GYG1: variants seen among roughly 807,000 people sequenced by gnomAD.
GYG1 encodes glycogenin 1.
In GYG1, 44 loss-of-function variants were observed where a neutral mutation model predicts 41.9. That is an observed-to-expected ratio of 1.05 (90% CI 0.83 to 1.35). The LOEUF (loss-of-function observed/expected upper bound fraction) is 1.35. GYG1 is among the 40% of genes most tolerant of loss of function. The pLI is 0.00. For synonymous variants in GYG1, 141 were observed against 158.1 expected (o/e 0.89, Z 0.81); for missense variants, 429 against 418.9 (o/e 1.02, Z -0.21).
intron 2 of GYG1, 42 bp downstream of exon 2, chr3:148,994,319 C>A: frequency 6.2e-7 from 1 of 1,603,060 alleles, no homozygotes; most frequent in Non-Finnish European, 8.5e-7. Context: ...GGGGCTCTGA[C>A]ATCCTTCTCC....
At chr3:149,003,281 A>T (rs2107895174) in intron 4 of GYG1, among the ~76,000 whole-genome samples, 1 of 151,776 alleles carries the variant, frequency 6.6e-6, no homozygotes, top group South Asian at 2.1e-4. Flanking sequence ...ATGCGCAGCT[A>T]ATTTTTGTGT....
intron 5 of GYG1, among the ~76,000 whole-genome samples, chr3:149,012,351 C>T (rs1242333667): frequency 6.6e-6 from 1 of 152,086 alleles, no homozygotes; most frequent in Non-Finnish European, 1.5e-5. Context: ...TGGGTGGTGG[C>T]AGGTGGAATT....
At chr3:149,021,278 G>C (rs1262975342) in intron 5 of GYG1, among the ~76,000 whole-genome samples, 1 of 152,156 alleles carries the variant, frequency 6.6e-6, no homozygotes, top group Non-Finnish European at 1.5e-5. Context: ...CATAATAGTT[G>C]TTATTTAATC....
In GYG1 at chr3:149,030,696, T is replaced by G. The variant is rs1311790927; in HGVS notation, c.*3763T>G. 6.6e-6 allele frequency: 1 copy of G among 152,224 alleles called. No homozygotes were observed. The highest frequency in any genetic ancestry group is 1.9e-4 in the East Asian group (1 of 5,202). The allele number at this position is 152,224 out of a possible 1,614,324, so 9.4% of individuals were successfully genotyped here. On this transcript the variant is annotated 3_prime_UTR_variant, in exon 8 of 8. Coordinates refer to ENST00000345003, the MANE Select transcript of GYG1 (RefSeq NM_004130.4). ...TAATGCTAGCGGGCTAATCCCACAT[T>G]ATTATTCCACTATCATCCCTGCAGA...
intron 2 of GYG1, among the ~76,000 whole-genome samples, chr3:148,994,722 C>T (rs760612788): frequency 6.6e-6 from 1 of 152,190 alleles, no homozygotes; most frequent in Non-Finnish European, 1.5e-5. Context: ...TTATTTTATC[C>T]ATTGCCAGTT....
intron 4 of GYG1, chr3:149,001,007 A>G (rs1230613235): frequency 6.6e-6 from 1 of 152,216 alleles, no homozygotes; most frequent in African/African-American, 2.4e-5. Flanking sequence ...GCTACATTGT[A>G]TTAAAGTGTA....
intron 1 of GYG1, among the ~76,000 whole-genome samples, chr3:148,993,432 TTAGA>T (rs1712602840): frequency 3.9e-5 from 6 of 152,044 alleles, no homozygotes. Flanking sequence ...TGATAACTAT[TTAGA>T]TAGAAGCATC....
intron 5 of GYG1, among the ~76,000 whole-genome samples, chr3:149,017,166 T>A (rs1168654027): frequency 6.6e-6 from 1 of 152,218 alleles, no homozygotes. Context: ...TTCTATCTGA[T>A]CTTTTGGTAA....
At chr3:149,002,117 C>T (rs781453398) in intron 4 of GYG1, among the ~76,000 whole-genome samples, 3 of 152,194 alleles carry the variant, frequency 2.0e-5, no homozygotes, top group Non-Finnish European at 2.9e-5. Context: ...GGGTTCCTCT[C>T]ACCTATATTT....
intron 4 of GYG1, among the ~76,000 whole-genome samples, chr3:149,005,964 G>C (rs1713379143): frequency 1.3e-5 from 2 of 151,772 alleles, no homozygotes; most frequent in Non-Finnish European, 2.9e-5. Flanking sequence ...GTGTGTATGT[G>C]TATATGTATA....
chr3:148,993,289 T>A (rs1712590981), intron 1 of GYG1, among the ~76,000 whole-genome samples: 1 of 112,798 alleles, frequency 8.9e-6, no homozygotes, highest in African/African-American at 3.4e-5. Flanking sequence ...TTATTGGAGA[T>A]TGGGGTGCGT....
Position 149,009,372 on chromosome 3 carries a change from C to T in GYG1, c.578C>T (p.Ser193Phe). The change falls in exon 5 of 8, where the codon TCT (serine) becomes TTT (phenylalanine). Residue 193 changes from serine to phenylalanine, a missense_variant. Ser to Phe is a radical substitution (Grantham distance 155, BLOSUM62 -2). Coordinates refer to ENST00000345003, the MANE Select transcript of GYG1 (RefSeq NM_004130.4). ...LPFIYNLSSI[S>F]IYSYLPAFKV... Reference sequence around the variant, plus strand: ...TTTATTTATAACCTAAGCAGCATCTCTATATACTCCTACCTCCCGGCATTT... The same window carrying T: ...TTTATTTATAACCTAAGCAGCATCTTTATATACTCCTACCTCCCGGCATTT... 1 of 1,613,136 alleles carries T rather than the reference C, an allele frequency of 6.2e-7. No individual in the cohort carries two copies. The highest frequency in any genetic ancestry group is 1.3e-5 in the African/African-American group (1 of 75,030).
At chr3:149,009,070 A>G (rs1713569177) in intron 4 of GYG1, 1 of 506,078 alleles carries the variant, frequency 2.0e-6, no homozygotes, top group African/African-American at 1.9e-5. Context: ...TAGACAGGAG[A>G]ATTGCTTGAA....
At chr3:149,010,341 T>G (rs1415698077) in intron 5 of GYG1, among the ~76,000 whole-genome samples, 1 of 149,330 alleles carries the variant, frequency 6.7e-6, no homozygotes, top group African/African-American at 2.5e-5. Flanking sequence ...TTTTTTTTTT[T>G]TTTTGAGACG....
At chr3:149,006,800 C>T (rs1713428528) in intron 4 of GYG1, among the ~76,000 whole-genome samples, 1 of 152,194 alleles carries the variant, frequency 6.6e-6, no homozygotes, top group Non-Finnish European at 1.5e-5. Context: ...GTACCTCAGC[C>T]ATTAGTGTCT....
chr3:149,021,233 C>T lies in GYG1; in HGVS notation c.609-2820C>T, dbSNP rs369700519. On this transcript the variant is annotated intron_variant, in intron 5 of 7. Transcript: ENST00000345003. ...CCCATCTTACTGTTTGAACAAAAGCCTTTTGGGGCCACACACTGAGCATAG... is the reference window on the plus strand; with the variant it reads ...CCCATCTTACTGTTTGAACAAAAGCTTTTTGGGGCCACACACTGAGCATAG... Among the ~76,000 whole-genome samples, 7 of 152,276 alleles carry T rather than the reference C, an allele frequency of 4.6e-5. No homozygotes were observed. The South Asian group carries it at 1.5e-3, about 32-fold the overall frequency.
In GYG1 at chr3:149,016,616, C is replaced by A. The variant is rs529164292; in HGVS notation, c.608+7214C>A. 3.3e-5 allele frequency among the ~76,000 whole-genome samples: 5 copies of A among 152,222 alleles called. No homozygotes were observed. In the East Asian group the frequency reaches 9.7e-4, roughly 29 times the overall value. On this transcript the variant is annotated intron_variant, in intron 5 of 7. Transcript: ENST00000345003. ...TTATTGGGAGGATTAGTTTGCAAGG[C>A]AAAGAAATTGGGTGGGTGTCTGGTC...
chr3:148,996,067 A>G (rs540999295), intron 2 of GYG1, among the ~76,000 whole-genome samples: 6 of 152,352 alleles, frequency 3.9e-5, no homozygotes, highest in Admixed American at 2.6e-4. Flanking sequence ...TAAGATGAGC[A>G]TTTCATCCTC....
chr3:149,014,693 A>T (rs950591425), intron 5 of GYG1, among the ~76,000 whole-genome samples: 1 of 151,942 alleles, frequency 6.6e-6, no homozygotes, highest in Admixed American at 6.6e-5. Context: ...TAAAAAAAAA[A>T]ATACATATAT....
Sources: allele counts gnomAD v4.1 joint callset (sites outside exome capture counted in the v4.1 genomes callset), GRCh38; gene constraint gnomAD v4.1.1; transcripts MANE v1.5; gene names NCBI Gene and HGNC (gene_info 2026-07-23, HGNC 2026-07-21).